GET1: variants seen among roughly 807,000 people sequenced by gnomAD.
GET1 encodes the protein guided entry of tail-anchored proteins factor 1, also known as congenital heart disease 5 protein.
A neutral mutation model predicts 22.6 loss-of-function variants in GET1; 20 were observed. The observed-to-expected ratio is 0.89, with a 90% CI of 0.62 to 1.29. The LOEUF is 1.29. Ranked by LOEUF, GET1 falls within the 50% of genes most tolerant of loss-of-function variation. The pLI is 0.00. For synonymous variants in GET1, 92 were observed against 83.8 expected (o/e 1.10, Z -0.53); for missense variants, 209 against 219.9 (o/e 0.95, Z 0.31).
intron 1 of GET1, among the ~76,000 whole-genome samples, chr21:39,387,461 G>T (rs886459890): frequency 1.5e-4 from 23 of 152,188 alleles, no homozygotes; most frequent in African/African-American, 5.3e-4. Context: ...AGATAATTTT[G>T]TGATTCATCT....
At chr21:39,403,989 G>A (rs2038918277) in intron 4 of GET1, among the ~76,000 whole-genome samples, 1 of 151,970 alleles carries the variant, frequency 6.6e-6, no homozygotes, top group Non-Finnish European at 1.5e-5. Flanking sequence ...GCAGTGGCAC[G>A]ATCCTGGCTC....
chr21:39,407,789 C>T (rs1428254539), downstream of GET1: 1 of 152,234 alleles, frequency 6.6e-6, no homozygotes, highest in Non-Finnish European at 1.5e-5. Flanking sequence ...GATACACTTT[C>T]TAGGACACTA....
chr21:39,410,809 A>G, downstream of GET1: 1 of 470,402 alleles, frequency 2.1e-6, no homozygotes, highest in Non-Finnish European at 4.4e-6. Context: ...CATTTAAACA[A>G]CCCCTCGGTT....
intron 1 of GET1, among the ~76,000 whole-genome samples, chr21:39,413,200 G>A (rs1310760039): frequency 1.3e-5 from 2 of 152,238 alleles, no homozygotes; most frequent in Admixed American, 1.3e-4. Context: ...AGAGGGGCCA[G>A]AGGGCAGAAC....
At chr21:39,404,088 A>C (rs1480709339) in intron 4 of GET1, among the ~76,000 whole-genome samples, 1 of 152,226 alleles carries the variant, frequency 6.6e-6, no homozygotes. Context: ...ACCAACACAT[A>C]AACATCATTG....
chr21:39,420,389 G>A (rs907185497), intron 1 of GET1, among the ~76,000 whole-genome samples: 2 of 152,014 alleles, frequency 1.3e-5, no homozygotes, highest in African/African-American at 4.8e-5. Flanking sequence ...CAAGCGTGGT[G>A]TTGCATGCCT....
At chr21:39,412,646 CTT>C (rs1479172046) in intron 1 of GET1, among the ~76,000 whole-genome samples, 1 of 152,054 alleles carries the variant, frequency 6.6e-6, no homozygotes, top group Non-Finnish European at 1.5e-5. Context: ...AGAGAGAGCT[CTT>C]GTCTCCTTGT....
intron 2 of GET1, 26 bp downstream of exon 2, chr21:39,390,889 G>A: frequency 6.2e-7 from 1 of 1,612,580 alleles, no homozygotes; most frequent in Non-Finnish European, 8.5e-7. Flanking sequence ...CAGCCTGGAG[G>A]CTTCATGAGA....
chr21:39,423,387 T>C (rs1182200066), intron 1 of GET1: 1 of 1,611,536 alleles, frequency 6.2e-7, no homozygotes, highest in Non-Finnish European at 8.5e-7. Flanking sequence ...CTGAGAGTAT[T>C]CGATGAGCCA....
At chr21:39,421,893 T>C (rs1033671753) in intron 1 of GET1, 4 of 152,242 alleles carry the variant, frequency 2.6e-5, no homozygotes, top group African/African-American at 4.8e-5. Context: ...AAAATAGTTA[T>C]GGAATTTGTT....
downstream of GET1, among the ~76,000 whole-genome samples, chr21:39,398,455 C>A (rs891676954): frequency 3.3e-5 from 5 of 152,150 alleles, no homozygotes; most frequent in East Asian, 5.8e-4. Context: ...TCAGTTGTTA[C>A]AAGAATTTTG....
At chr21:39,380,831 G>T in intron 1 of GET1, 1 of 1,000,664 alleles carries the variant, frequency 1.0e-6, no homozygotes, top group Non-Finnish European at 1.2e-6. Flanking sequence ...GCAGCCCTCG[G>T]CCAGGGTTTC....
At chr21:39,405,951 A>T (rs1428803973) in exon 5 of GET1, 2 of 1,613,626 alleles carry the variant, frequency 1.2e-6, no homozygotes. Flanking sequence ...CAGTTACTTT[A>T]GAGTCTCCGA....
At chr21:39,381,051 G>A (rs2037524571) in intron 1 of GET1, 3 of 711,622 alleles carry the variant, frequency 4.2e-6, no homozygotes, top group Non-Finnish European at 5.2e-6. Context: ...TCTGTCTCAC[G>A]GCTGCTGGGA....
At chr21:39,390,953 T>C in intron 2 of GET1, 90 bp downstream of exon 2, 1 of 1,406,762 alleles carries the variant, frequency 7.1e-7, no homozygotes, top group Non-Finnish European at 9.6e-7. Context: ...ATACTTTGCT[T>C]CTTGGATGTT....
At chr21:39,403,633 T>A (rs1267822987) in intron 4 of GET1, among the ~76,000 whole-genome samples, 1 of 151,404 alleles carries the variant, frequency 6.6e-6, no homozygotes, top group Non-Finnish European at 1.5e-5. Flanking sequence ...ATTTTTATTT[T>A]TTTTTTGAGA....
chr21:39,406,652 G>C (rs2039106304), downstream of GET1: 1 of 1,450,258 alleles, frequency 6.9e-7, no homozygotes, highest in Admixed American at 2.2e-5. Context: ...TGTTTAAAAT[G>C]AATGGATCTC....
At chr21:39,419,223 C>T (rs573054019) in intron 1 of GET1, among the ~76,000 whole-genome samples, 3 of 152,082 alleles carry the variant, frequency 2.0e-5, no homozygotes, top group East Asian at 3.9e-4. Flanking sequence ...GCCTAATTGT[C>T]ACAAAAAAGT....
intron 2 of GET1, chr21:39,391,484 G>A (rs1159409472): frequency 2.7e-6 from 1 of 368,138 alleles, no homozygotes; most frequent in Admixed American, 4.5e-5. Context: ...TTGGTAAGTG[G>A]TAACTGTATT....
Sources: allele counts gnomAD v4.1 joint callset (sites outside exome capture counted in the v4.1 genomes callset), GRCh38; gene constraint gnomAD v4.1.1; transcripts MANE v1.5; gene names NCBI Gene and HGNC (gene_info 2026-07-23, HGNC 2026-07-21).